The following PKIB variants were observed in gnomAD, a reference collection of about 807,000 sequenced individuals.
PKIB encodes the protein cAMP-dependent protein kinase inhibitor beta, also known as PKI-beta.
In PKIB, 2 loss-of-function variants were observed where a neutral mutation model predicts 4.5. The ratio of observed to expected loss-of-function variants is 0.44; its 90% CI spans 0.18 to 1.39. The LOEUF is 1.39. Among genes scored for constraint, PKIB ranks in the 40% most tolerant of loss-of-function variants. PKIB has a pLI of 0.27. For missense variants in PKIB, 94 were observed against 92.6 expected (o/e 1.02, Z -0.06); for synonymous variants, 38 against 36.0 (o/e 1.06, Z -0.20).
At chr6:122,715,714 T>C (rs1227517601) in intron 3 of PKIB, among the ~76,000 whole-genome samples, 1 of 151,576 alleles carries the variant, frequency 6.6e-6, no homozygotes, top group African/African-American at 2.4e-5. Flanking sequence ...TATATATGTA[T>C]ATACACATAT....
chr6:122,587,225 G>A (rs1158713377), intron 3 of PKIB, among the ~76,000 whole-genome samples: 1 of 151,994 alleles, frequency 6.6e-6, no homozygotes, highest in Admixed American at 6.6e-5. Context: ...CCCTTCCTGT[G>A]TCCATGTGTT....
chr6:122,551,174 T>C (rs1772664437), intron 2 of PKIB, among the ~76,000 whole-genome samples: 1 of 152,198 alleles, frequency 6.6e-6, no homozygotes. Flanking sequence ...TGACTTTCAG[T>C]GCTGGGAAAT....
intron 3 of PKIB, among the ~76,000 whole-genome samples, chr6:122,705,564 C>CTTTTTTTTTTTTTTTT: frequency 8.8e-6 from 1 of 113,438 alleles, no homozygotes; most frequent in Non-Finnish European, 1.7e-5. Context: ...GAAAGCGCAT[C>CTTTTTTTTTTTTTTTT]TTTTTTTTTT....
chr6:122,544,497 C>T lies in PKIB; in HGVS notation c.-247-41424C>T, dbSNP rs867964834. On this transcript the variant is annotated intron_variant, in intron 2 of 6. Transcript: ENST00000392491. Reference sequence around the variant, plus strand: ...AGCCAGTGTCTGAAGTACCCACCTCCCCCTTGCCTGCACATGATGCTACCC... The same window carrying T: ...AGCCAGTGTCTGAAGTACCCACCTCTCCCTTGCCTGCACATGATGCTACCC... Among the ~76,000 whole-genome samples the T allele has an allele frequency of 1.1e-4, 16 of 152,124 alleles. No homozygotes were observed. In the South Asian group the frequency reaches 3.3e-3, roughly 32 times the overall value.
intron 3 of PKIB, among the ~76,000 whole-genome samples, chr6:122,702,138 C>A (rs866926323): frequency 6.6e-6 from 1 of 151,902 alleles, no homozygotes; most frequent in Non-Finnish European, 1.5e-5. Context: ...AACTTATGAA[C>A]GAAAATGAAA....
intron 2 of PKIB, among the ~76,000 whole-genome samples, chr6:122,490,347 A>T (rs1206536741): frequency 1.3e-5 from 2 of 152,218 alleles, no homozygotes; most frequent in Non-Finnish European, 1.5e-5. Context: ...GTGTGCCCTT[A>T]CCAAAGAGAT....
chr6:122,600,787 G>A (rs140158395), intron 3 of PKIB, among the ~76,000 whole-genome samples: 26 of 152,182 alleles, frequency 1.7e-4, no homozygotes, highest in African/African-American at 6.0e-4. Flanking sequence ...AATAAAAAAT[G>A]AGTAGGCATG....
At chr6:122,684,696 G>A (rs540843376) in intron 3 of PKIB, among the ~76,000 whole-genome samples, 7 of 152,132 alleles carry the variant, frequency 4.6e-5, no homozygotes, top group African/African-American at 7.2e-5. Flanking sequence ...AAAATAGACC[G>A]GCTTTTTTGT....
intron 3 of PKIB, among the ~76,000 whole-genome samples, chr6:122,694,477 A>G (rs1582818980): frequency 6.6e-6 from 1 of 152,346 alleles, no homozygotes; most frequent in Admixed American, 6.5e-5. Flanking sequence ...AAAAAATCTT[A>G]GGAAGAGCTA....
At position 122,539,350 on chromosome 6, in the gene PKIB, C is replaced by T. The variant is rs182472994; in HGVS notation, c.-247-46571C>T. On this transcript the variant is annotated intron_variant, in intron 2 of 6. Coordinates refer to the PKIB transcript ENST00000392491. ...AGATAGCTCTTATTATTTTGAGATA[C>T]GTCCCATCAATACCTAATTTATTGA... Among the ~76,000 whole-genome samples, 747 of 152,008 alleles carry T rather than the reference C, an allele frequency of 4.9e-3. 14 individuals are homozygous for T. The highest frequency in any genetic ancestry group is 0.017 in the African/African-American group (697 of 41,376).
chr6:122,605,131 G>T (rs1203214568), intron 3 of PKIB, among the ~76,000 whole-genome samples: 3 of 152,138 alleles, frequency 2.0e-5, no homozygotes, highest in Admixed American at 2.0e-4. Context: ...CCCAAGCTTG[G>T]TTGCAGGACA....
In PKIB at chr6:122,588,770, T is replaced by G. The variant is rs554204201; in HGVS notation, c.-161+2763T>G. On this transcript the variant is annotated intron_variant, in intron 3 of 6. Coordinates refer to the PKIB transcript ENST00000392491. ...TATTCTTGTTCAGTGAATGAATAAC[T>G]TAAGAACAGAAATATGTCATGTAGA... Among the ~76,000 whole-genome samples, 240 of 152,286 alleles carry G rather than the reference T, an allele frequency of 1.6e-3. 3 individuals are homozygous for G. The highest frequency in any genetic ancestry group is 2.6e-3 in the Non-Finnish European group (174 of 68,018).
At chr6:122,698,402 G>A (rs2115019144) in intron 3 of PKIB, among the ~76,000 whole-genome samples, 1 of 152,206 alleles carries the variant, frequency 6.6e-6, no homozygotes, top group Admixed American at 6.5e-5. Flanking sequence ...CAGATTCATG[G>A]GGGTGCTGCT....
intron 2 of PKIB, among the ~76,000 whole-genome samples, chr6:122,653,088 T>A (rs1397050693): frequency 6.6e-6 from 1 of 152,156 alleles, no homozygotes. Flanking sequence ...GGAGTTTGGT[T>A]TTGTTTGGCT....
chr6:122,543,364 T>TC (rs1298467859), intron 2 of PKIB, among the ~76,000 whole-genome samples: 1 of 151,074 alleles, frequency 6.6e-6, no homozygotes, highest in East Asian at 1.9e-4. Context: ...CCTTTTTTTT[T>TC]TTTTTTTTGT....
chr6:122,658,608 A>G lies in PKIB; in HGVS notation c.-75-16470A>G, dbSNP rs113961638. On this transcript the variant is annotated intron_variant, in intron 2 of 4. Transcript: ENST00000368452. ...ACAGATCACTATGGAAGTGTAACAT[A>G]AACTTGGAGTTCAAGCTTGATTTTT... Among the ~76,000 whole-genome samples, 584 of 152,068 alleles carry G rather than the reference A, an allele frequency of 3.8e-3. 2 individuals are homozygous for G. The highest frequency in any genetic ancestry group is 0.013 in the African/African-American group (544 of 41,498).
intron 3 of PKIB, among the ~76,000 whole-genome samples, chr6:122,588,084 A>C (rs1773904642): frequency 6.6e-6 from 1 of 152,180 alleles, no homozygotes; most frequent in African/African-American, 2.4e-5. Flanking sequence ...TGTTTTAGAC[A>C]TGAAGTCCTT....
At chr6:122,703,690 G>T (rs949248566) in intron 3 of PKIB, among the ~76,000 whole-genome samples, 1 of 151,624 alleles carries the variant, frequency 6.6e-6, no homozygotes, top group Non-Finnish European at 1.5e-5. Context: ...ATTCTCTGAA[G>T]AATCTAATAC....
chr6:122,567,532 T>G (rs1413645110), intron 2 of PKIB, among the ~76,000 whole-genome samples: 1 of 152,202 alleles, frequency 6.6e-6, no homozygotes, highest in Non-Finnish European at 1.5e-5. Flanking sequence ...AACACCAGCA[T>G]TAGTTATCTT....
Sources: gnomAD v4.1 joint callset for allele counts (sites outside exome capture counted in the v4.1 genomes callset) on GRCh38, gnomAD v4.1.1 for gene constraint, MANE v1.5 for transcripts, NCBI Gene and HGNC (gene_info 2026-07-23, HGNC 2026-07-21) for gene names.